The following HMGN5 variants were observed in gnomAD, a reference collection of about 807,000 sequenced individuals.
HMGN5 encodes high mobility group nucleosome binding domain 5.
In HMGN5, 4 loss-of-function variants were observed where a neutral mutation model predicts 9.5. The ratio of observed to expected loss-of-function variants is 0.42; its 90% CI spans 0.21 to 0.96. HMGN5 has a LOEUF of 0.96. Ranked by LOEUF, HMGN5 falls within the 40% of genes least tolerant of loss-of-function variation. HMGN5 has a pLI of 0.30. For missense variants in HMGN5, 192 were observed against 187.5 expected, an observed-to-expected ratio of 1.02 and a Z score of -0.14; for synonymous variants, 55 against 57.1, an observed-to-expected ratio of 0.96 and a Z score of 0.16.
At chrX:81,122,450 C>A (rs2075271874) in intron 1 of HMGN5, among the ~76,000 whole-genome samples, 1 of 111,716 alleles carries the variant, frequency 9.0e-6, no homozygotes, top group African/African-American at 3.3e-5. Context: ...GTTTAGGACT[C>A]AGAACCTAGA....
chrX:81,141,906 G>A (rs776445838), intron 1 of HMGN5, among the ~76,000 whole-genome samples: 1 of 111,978 alleles, frequency 8.9e-6, no homozygotes, highest in Non-Finnish European at 1.9e-5. Context: ...GTGAACTTTA[G>A]GACAGAGAAT....
At chrX:81,133,058 A>G (rs2075302086) in intron 1 of HMGN5, among the ~76,000 whole-genome samples, 1 of 111,640 alleles carries the variant, frequency 9.0e-6, no homozygotes, top group Non-Finnish European at 1.9e-5. Context: ...TGAACAGACA[A>G]TTCTCAAAAG....
At chrX:81,181,261 C>A (rs1057205042) in intron 1 of HMGN5, among the ~76,000 whole-genome samples, 1 of 111,096 alleles carries the variant, frequency 9.0e-6, no homozygotes, top group African/African-American at 3.3e-5. Flanking sequence ...AAACCTTATT[C>A]ATTATTAATT....
intron 1 of HMGN5, among the ~76,000 whole-genome samples, chrX:81,161,849 C>G (rs909081262): frequency 9.1e-6 from 1 of 109,576 alleles, no homozygotes; most frequent in African/African-American, 3.5e-5. Flanking sequence ...CTTTTCACTG[C>G]ATATGATAAA....
chrX:81,137,418 A>G (rs1042291133), intron 1 of HMGN5, among the ~76,000 whole-genome samples: 1 of 111,784 alleles, frequency 8.9e-6, no homozygotes, highest in African/African-American at 3.2e-5. Flanking sequence ...AATCAATAAT[A>G]AAACAAAACA....
At chrX:81,146,846 A>G (rs1359685695) in intron 1 of HMGN5, among the ~76,000 whole-genome samples, 2 of 112,104 alleles carry the variant, frequency 1.8e-5, no homozygotes, top group Non-Finnish European at 3.8e-5. Context: ...AATACAAGCT[A>G]ACATCAGAGA....
intron 1 of HMGN5, among the ~76,000 whole-genome samples, chrX:81,159,520 G>T (rs2147570718): frequency 8.9e-6 from 1 of 111,803 alleles, no homozygotes; most frequent in South Asian, 3.8e-4. Context: ...AAGTTGTGGA[G>T]AGTTCAATAA....
chrX:81,171,849 A>G (rs1368350838), intron 1 of HMGN5, among the ~76,000 whole-genome samples: 1 of 111,376 alleles, frequency 9.0e-6, no homozygotes, highest in African/African-American at 3.3e-5. Flanking sequence ...AAATTATGAT[A>G]CATTACTGAA....
At chrX:81,147,364 T>C (rs1269218429) in intron 1 of HMGN5, among the ~76,000 whole-genome samples, 1 of 111,719 alleles carries the variant, frequency 9.0e-6, no homozygotes, top group African/African-American at 3.3e-5. Flanking sequence ...ATAAACATAA[T>C]CCATCACATA....
intron 1 of HMGN5, among the ~76,000 whole-genome samples, chrX:81,187,515 G>T (rs1490939574): frequency 5.4e-5 from 6 of 111,196 alleles, no homozygotes; most frequent in Non-Finnish European, 1.1e-4. Flanking sequence ...TATTAGTGTA[G>T]CTACTCTTCC....
chrX:81,164,512 G>T (rs2075405882), intron 1 of HMGN5, among the ~76,000 whole-genome samples: 1 of 111,415 alleles, frequency 9.0e-6, no homozygotes, highest in Non-Finnish European at 1.9e-5. Flanking sequence ...GGCCTATAAT[G>T]TTATTTATTT....
rs2075269052 is a variant in HMGN5 at position 81,121,669 on chromosome X, T to A, written c.-120A>T. 6.7e-6 allele frequency: 3 copies of A among 447,657 alleles called. No homozygotes were observed. The highest frequency in any genetic ancestry group is 1.1e-5 in the Non-Finnish European group (3 of 269,559). The allele number at this position is 447,657 out of a possible 1,213,427, so 36.9% of individuals were successfully genotyped here. A position where few individuals can be genotyped will look rare whatever the true frequency, so the allele number is the denominator to read the frequency against. On this transcript the variant is annotated 5_prime_UTR_variant, in exon 2 of 7. The change creates a premature stop within an existing upstream ORF in the 5' untranslated region. Transcript: ENST00000358130. ...ACTAACTGCAGCACGACCTGTACTC[T>A]CCTCTGGAAAAAAAAAAAATCCCTC... is the stretch of plus-strand genomic sequence containing the variant.
At chrX:81,134,880 C>A (rs2075307164) in intron 1 of HMGN5, among the ~76,000 whole-genome samples, 1 of 111,278 alleles carries the variant, frequency 9.0e-6, no homozygotes. Context: ...AAAAAATAGT[C>A]TTTTCAACAA....
intron 1 of HMGN5, among the ~76,000 whole-genome samples, chrX:81,123,745 G>A (rs1051434484): frequency 8.9e-6 from 1 of 112,308 alleles, no homozygotes; most frequent in African/African-American, 3.2e-5. Flanking sequence ...AATTTTGTAG[G>A]ATTGAGCAAA....
At chrX:81,176,922 A>T (rs1389695663) in intron 1 of HMGN5, among the ~76,000 whole-genome samples, 1 of 111,033 alleles carries the variant, frequency 9.0e-6, no homozygotes, top group African/African-American at 3.3e-5. Flanking sequence ...CCAACATTCA[A>T]CTTCAGGAAA....
intron 1 of HMGN5, among the ~76,000 whole-genome samples, chrX:81,151,341 G>T (rs1459302689): frequency 9.0e-6 from 1 of 111,414 alleles, no homozygotes; most frequent in East Asian, 2.8e-4. Flanking sequence ...TGCTGTTTTG[G>T]TTACTGTAGC....
intron 1 of HMGN5, among the ~76,000 whole-genome samples, chrX:81,151,809 A>C (rs2075363385): frequency 9.0e-6 from 1 of 110,531 alleles, no homozygotes. Context: ...ATATCCTGAG[A>C]CTTTGCTGAA....
At chrX:81,153,024 T>C (rs1005736402) in intron 1 of HMGN5, among the ~76,000 whole-genome samples, 13 of 99,541 alleles carry the variant, frequency 1.3e-4, no homozygotes, top group Non-Finnish European at 2.0e-4. Context: ...AGGGATAGCA[T>C]TGGGAGATAT....
chrX:81,160,551 G>A (rs764810163), intron 1 of HMGN5, among the ~76,000 whole-genome samples: 85 of 110,183 alleles, frequency 7.7e-4, no homozygotes, highest in Non-Finnish European at 1.4e-3. Context: ...GCCCTGGTGT[G>A]TGATGTTCCC....
Sources: allele counts gnomAD v4.1 joint callset (sites outside exome capture counted in the v4.1 genomes callset), GRCh38; gene constraint gnomAD v4.1.1; transcripts MANE v1.5; gene names NCBI Gene and HGNC (gene_info 2026-07-23, HGNC 2026-07-21).